The following PTPRT variants were observed in gnomAD, a reference collection of about 807,000 sequenced individuals.
PTPRT encodes the protein receptor-type tyrosine-protein phosphatase T.
Under a neutral mutation model 176.8 loss-of-function variants are expected in PTPRT, and 56 were observed. The observed-to-expected ratio is 0.32, with a 90% CI of 0.26 to 0.40. The LOEUF is 0.40. Among genes scored for constraint, PTPRT ranks in the 10% least tolerant of loss-of-function variants. PTPRT has a pLI of 1.00. For synonymous variants in PTPRT, 783 were observed against 739.0 expected (o/e 1.06, Z -0.96); for missense variants, 1,540 against 1,908.2 (o/e 0.81, Z 3.60).
intron 7 of PTPRT, among the ~76,000 whole-genome samples, chr20:42,511,752 C>T (rs1026489678): frequency 1.9e-4 from 29 of 151,228 alleles, no homozygotes; most frequent in Non-Finnish European, 4.1e-4. Context: ...TTTTAGATAC[C>T]AATGTCTTGG....
the PTPRT span, among the ~76,000 whole-genome samples, chr20:42,053,662 C>T: frequency 1.3e-5 from 2 of 152,212 alleles, no homozygotes; most frequent in African/African-American, 4.8e-5. Context: ...GCAAACAAAC[C>T]CACCTCCTGG....
chr20:42,040,011 A>C, the PTPRT span, among the ~76,000 whole-genome samples: 4 of 152,106 alleles, frequency 2.6e-5, no homozygotes, highest in Non-Finnish European at 5.9e-5. Flanking sequence ...AGGAACCACC[A>C]TACTGTTTTC....
intron 16 of PTPRT, among the ~76,000 whole-genome samples, chr20:42,189,435 T>C (rs1270549084): frequency 6.6e-6 from 1 of 152,206 alleles, no homozygotes; most frequent in African/African-American, 2.4e-5. Context: ...GACAGTAATA[T>C]CATTGGAGGC....
At chr20:42,472,647 A>G in intron 7 of PTPRT, 85 bp from the exon 8 acceptor site, 1 of 1,372,438 alleles carries the variant, frequency 7.3e-7, no homozygotes, top group Non-Finnish European at 9.9e-7. Context: ...CAGGGAACAC[A>G]GCTTTTCCAA....
At chr20:43,030,339 G>T (rs577878597) in intron 1 of PTPRT, among the ~76,000 whole-genome samples, 4 of 152,282 alleles carry the variant, frequency 2.6e-5, no homozygotes, top group African/African-American at 7.2e-5. Context: ...GTTGTGGAGG[G>T]CTTCATAGAA....
intron 2 of PTPRT, among the ~76,000 whole-genome samples, chr20:42,859,592 T>A (rs2078625072): frequency 1.3e-5 from 2 of 148,960 alleles, no homozygotes; most frequent in African/African-American, 2.5e-5. Flanking sequence ...TTTAATTTTT[T>A]TTTTTTTTTG....
chr20:43,081,421 T>C (rs1444983229), intron 1 of PTPRT, among the ~76,000 whole-genome samples: 1 of 152,198 alleles, frequency 6.6e-6, no homozygotes, highest in African/African-American at 2.4e-5. Context: ...TATACATTTG[T>C]TTATATACAG....
chr20:42,408,723 A>G (rs2058984892), intron 9 of PTPRT, among the ~76,000 whole-genome samples: 1 of 152,222 alleles, frequency 6.6e-6, no homozygotes, highest in Admixed American at 6.5e-5. Flanking sequence ...ATAAGGAAAA[A>G]GATTATCTAA....
At chr20:43,077,391 T>C (rs6030632) in intron 1 of PTPRT, among the ~76,000 whole-genome samples, 101,882 of 152,056 alleles carry the variant, frequency 0.67, 34,956 homozygotes, top group East Asian at 0.83. Context: ...CATCCTTATG[T>C]ATATACCACA....
At chr20:43,123,680 A>G (rs2013347607) in intron 1 of PTPRT, among the ~76,000 whole-genome samples, 1 of 152,174 alleles carries the variant, frequency 6.6e-6, no homozygotes, top group Admixed American at 6.5e-5. Context: ...AGAGGCAGAA[A>G]TCAATTTTTA....
intron 1 of PTPRT, among the ~76,000 whole-genome samples, chr20:42,897,042 C>T (rs1376021299): frequency 6.6e-6 from 1 of 152,134 alleles, no homozygotes; most frequent in African/African-American, 2.4e-5. Flanking sequence ...CACACCATTA[C>T]ATCTAATTCA....
intron 13 of PTPRT, among the ~76,000 whole-genome samples, chr20:42,271,907 T>C (rs1044974615): frequency 2.0e-5 from 3 of 152,200 alleles, no homozygotes; most frequent in African/African-American, 4.8e-5. Flanking sequence ...ATTTCAAAAA[T>C]AATACAGATG....
intron 18 of PTPRT, among the ~76,000 whole-genome samples, chr20:42,132,074 T>C (rs1232017609): frequency 6.6e-6 from 1 of 152,220 alleles, no homozygotes; most frequent in Non-Finnish European, 1.5e-5. Context: ...GGAATCATGC[T>C]GGGCTCTGCA....
At chr20:42,546,231 G>A (rs6072788) in intron 7 of PTPRT, among the ~76,000 whole-genome samples, 55,760 of 151,992 alleles carry the variant, frequency 0.37, 10,266 homozygotes, top group Admixed American at 0.41. Context: ...AGACTCCAGC[G>A]CAGCCACGTG....
chr20:43,134,280 C>G, intron 1 of PTPRT, among the ~76,000 whole-genome samples: 1 of 152,216 alleles, frequency 6.6e-6, no homozygotes, highest in East Asian at 1.9e-4. Flanking sequence ...AAACTTTAGT[C>G]AGGCTTCTGA....
At chr20:42,853,510 C>G (rs538371457) in intron 2 of PTPRT, among the ~76,000 whole-genome samples, 1 of 152,230 alleles carries the variant, frequency 6.6e-6, no homozygotes, top group Admixed American at 6.5e-5. Context: ...AGTCTGATAG[C>G]CCAACAACCA....
intron 1 of PTPRT, among the ~76,000 whole-genome samples, chr20:43,183,856 T>G (rs1260160192): frequency 6.6e-6 from 1 of 152,252 alleles, no homozygotes; most frequent in Non-Finnish European, 1.5e-5. Context: ...GTAGCCTGTA[T>G]CAGCAGTTCA....
At chr20:42,058,104 G>C in the PTPRT span, among the ~76,000 whole-genome samples, 2 of 152,180 alleles carry the variant, frequency 1.3e-5, no homozygotes, top group South Asian at 4.1e-4. Context: ...TGTGGCCTAA[G>C]ACACCCTAGG....
chr20:42,126,541 C>A (rs78691041), intron 19 of PTPRT, among the ~76,000 whole-genome samples: 2 of 152,306 alleles, frequency 1.3e-5, no homozygotes, highest in Admixed American at 1.3e-4. Flanking sequence ...TCTTGCCTGG[C>A]TGGCTCTAAG....
Sources: allele counts gnomAD v4.1 joint callset (sites outside exome capture counted in the v4.1 genomes callset), GRCh38; gene constraint gnomAD v4.1.1; transcripts MANE v1.5; gene names NCBI Gene and HGNC (gene_info 2026-07-23, HGNC 2026-07-21).